Variants in SLCO3A1 observed in about 807,000 individuals in gnomAD.
SLCO3A1 encodes PGE1 transporter.
In SLCO3A1, 27 loss-of-function variants were observed where a neutral mutation model predicts 63.1. The ratio of observed to expected loss-of-function variants is 0.43; its 90% CI spans 0.32 to 0.59. The LOEUF is 0.59. Ranked by LOEUF, SLCO3A1 falls within the 20% of genes least tolerant of loss-of-function variation. SLCO3A1 has a pLI of 0.09. For missense variants in SLCO3A1, 773 were observed against 945.8 expected (o/e 0.82, Z 2.40); for synonymous variants, 473 against 409.9 (o/e 1.15, Z -1.86).
At chr15:92,123,070 G>A (rs968631101) in intron 5 of SLCO3A1, among the ~76,000 whole-genome samples, 1 of 152,158 alleles carries the variant, frequency 6.6e-6, no homozygotes, top group East Asian at 1.9e-4. Flanking sequence ...AGATGCAAAA[G>A]TTCATCAGGC....
intron 2 of SLCO3A1, among the ~76,000 whole-genome samples, chr15:92,065,902 A>G (rs2047145561): frequency 6.6e-6 from 1 of 152,238 alleles, no homozygotes; most frequent in African/African-American, 2.4e-5. Flanking sequence ...TTTAAAAGAA[A>G]AAAGGTTTCC....
chr15:92,064,544 A>G (rs1200486293), intron 2 of SLCO3A1, among the ~76,000 whole-genome samples: 2 of 152,304 alleles, frequency 1.3e-5, no homozygotes, highest in East Asian at 3.9e-4. Context: ...TGTCTTCCCC[A>G]GTGTTTTCTT....
intron 2 of SLCO3A1, among the ~76,000 whole-genome samples, chr15:92,024,000 C>T (rs888693409): frequency 6.6e-6 from 1 of 152,144 alleles, no homozygotes; most frequent in Non-Finnish European, 1.5e-5. Context: ...TCCAGTGAAT[C>T]TGTTGGGCCA....
At chr15:92,154,162 A>T (rs1389816277) in intron 9 of SLCO3A1, among the ~76,000 whole-genome samples, 2 of 152,090 alleles carry the variant, frequency 1.3e-5, no homozygotes, top group African/African-American at 4.8e-5. Flanking sequence ...CAGGATGGGG[A>T]GAGGGGTAGG....
chr15:91,958,417 C>G (rs570764849), intron 2 of SLCO3A1, among the ~76,000 whole-genome samples: 1 of 152,298 alleles, frequency 6.6e-6, no homozygotes, highest in South Asian at 2.1e-4. Flanking sequence ...AAGATGGGCA[C>G]TGGATTTGGG....
At position 91,862,523 on chromosome 15, in the gene SLCO3A1, T is replaced by C. The variant is rs1297256511; in HGVS notation, c.180+8435T>C. On this transcript the variant is annotated intron_variant, in intron 1 of 9. Transcript: ENST00000318445. The surrounding 1 kb of genome is among the most constrained non-coding windows in gnomAD (Gnocchi z 4.0). The stretch of plus-strand genomic sequence containing the variant: ...GGACTACCACATTTGTTCTGCCAGG[T>C]TGTCCTTTGGGACAACTTTTGGGTG... 2.0e-5 allele frequency among the ~76,000 whole-genome samples: 3 copies of C among 152,018 alleles called. No individual in the cohort carries two copies. Among genetic ancestry groups the C allele is most frequent in the Non-Finnish European group, 4.4e-5 (3 of 68,014 alleles).
chr15:91,957,716 T>C (rs951092508), intron 2 of SLCO3A1, among the ~76,000 whole-genome samples: 2 of 152,230 alleles, frequency 1.3e-5, no homozygotes, highest in Admixed American at 6.5e-5. Context: ...TTGTCATGCC[T>C]GTACTCTGTC....
At chr15:92,123,515 T>C (rs1196556988) in intron 5 of SLCO3A1, among the ~76,000 whole-genome samples, 1 of 152,168 alleles carries the variant, frequency 6.6e-6, no homozygotes, top group African/African-American at 2.4e-5. Flanking sequence ...CCACAAGTCT[T>C]ATGTTTTTCT....
intron 2 of SLCO3A1, among the ~76,000 whole-genome samples, chr15:92,057,391 A>G (rs777078890): frequency 4.6e-5 from 7 of 152,210 alleles, no homozygotes; most frequent in Admixed American, 2.6e-4. Flanking sequence ...TTTTTCCTGA[A>G]GATAATGGTT....
At chr15:91,881,498 G>A (rs1002042003) in intron 1 of SLCO3A1, among the ~76,000 whole-genome samples, 1 of 151,704 alleles carries the variant, frequency 6.6e-6, no homozygotes, top group Non-Finnish European at 1.5e-5. Context: ...TTTCTTTATC[G>A]TGCAGTTTAT....
chr15:92,047,516 TAC>T lies in SLCO3A1; in HGVS notation c.647-47363_647-47362del, dbSNP rs1567087731. Among the ~76,000 whole-genome samples, 116 of 32,050 alleles carry T rather than the reference TAC, an allele frequency of 3.6e-3. 23 individuals carry two copies. The highest frequency in any genetic ancestry group is 5.8e-3 in the African/African-American group (47 of 8,066). 21.0% of individuals were successfully genotyped at this position (32,050 alleles called of 152,430 possible). ...ATAAATATATATAAATATATATAAA[TAC>T]ATAAATAAATATATAAATATATATA... On this transcript the variant is annotated intron_variant, in intron 2 of 9. Coordinates refer to ENST00000318445, the MANE Select transcript of SLCO3A1 (RefSeq NM_013272.4).
At chr15:92,055,809 A>G (rs992838) in intron 2 of SLCO3A1, among the ~76,000 whole-genome samples, 119,357 of 152,176 alleles carry the variant, frequency 0.78, 46,962 homozygotes, top group Admixed American at 0.88. Context: ...GAGATTCACC[A>G]TCTATCAGTT....
chr15:92,004,671 G>C (rs1179420873), intron 2 of SLCO3A1, among the ~76,000 whole-genome samples: 1 of 152,228 alleles, frequency 6.6e-6, no homozygotes, highest in Non-Finnish European at 1.5e-5. Context: ...TTTGAGTTTG[G>C]CAGGGGATAG....
In SLCO3A1 at chr15:92,163,075, A is replaced by G; in HGVS notation, c.2073A>G (p.Thr691=). 6.4e-7 allele frequency: 1 copy of G among 1,554,088 alleles called. No homozygotes were observed. Among genetic ancestry groups the G allele is most frequent in the Non-Finnish European group, 8.7e-7 (1 of 1,152,374 alleles). ...DPVPANQTHR[T]KFIYNLEDHE... is the part of the protein sequence containing the mutation. ...TGCCCGCAAACCAGACACATAGGAC[A>G]AAGTTTATCTATAACCTGGAAGACC... The change falls in exon 10 of 10, where the codon ACA becomes ACG. Residue 691 remains threonine (T), a synonymous_variant. Coordinates refer to ENST00000318445, the MANE Select transcript of SLCO3A1 (RefSeq NM_013272.4).
intron 1 of SLCO3A1, among the ~76,000 whole-genome samples, chr15:91,877,824 AATCTG>A (rs1351355048): frequency 1.3e-5 from 2 of 152,178 alleles, no homozygotes; most frequent in African/African-American, 4.8e-5. Context: ...CCTACAAAAA[AATCTG>A]AGACCTGTAG....
At chr15:92,131,774 C>A (rs1412444704) in intron 7 of SLCO3A1, among the ~76,000 whole-genome samples, 1 of 145,924 alleles carries the variant, frequency 6.9e-6, no homozygotes, top group East Asian at 1.9e-4. Flanking sequence ...CCCTTCTAAG[C>A]TCTGTCTTAT....
chr15:91,874,252 T>A (rs775001950), intron 1 of SLCO3A1, among the ~76,000 whole-genome samples: 11 of 152,194 alleles, frequency 7.2e-5, no homozygotes, highest in Non-Finnish European at 7.3e-5. Context: ...ATTTTCTGAC[T>A]GTAGTTGACC....
chr15:92,165,306 G>A lies in SLCO3A1; in HGVS notation c.*2171G>A. On this transcript the variant is annotated 3_prime_UTR_variant, in exon 10 of 10. Coordinates refer to ENST00000318445, the MANE Select transcript of SLCO3A1 (RefSeq NM_013272.4). Reference sequence around the variant, plus strand: ...TACGTTAACTACTAAAGGGGAGATGGTTCTCCAACCACTTCATAAAATATG... The same window carrying A: ...TACGTTAACTACTAAAGGGGAGATGATTCTCCAACCACTTCATAAAATATG... 1.0e-6 allele frequency: 1 copy of A among 985,110 alleles called. No individual in the cohort carries two copies. The highest frequency in any genetic ancestry group is 1.2e-6 in the Non-Finnish European group (1 of 829,684). The allele number at this position is 985,110 out of a possible 1,614,324, so 61.0% of individuals were successfully genotyped here.
intron 2 of SLCO3A1, among the ~76,000 whole-genome samples, chr15:91,982,818 C>T (rs1027524302): frequency 1.1e-4 from 16 of 152,220 alleles, no homozygotes; most frequent in Non-Finnish European, 1.6e-4. Context: ...GGGAGCTGCA[C>T]GGGCTTGCCC....
Sources: allele counts gnomAD v4.1 joint callset (sites outside exome capture counted in the v4.1 genomes callset), GRCh38; gene constraint gnomAD v4.1.1; non-coding constraint Gnocchi (gnomAD v3.1); transcripts MANE v1.5; gene names NCBI Gene and HGNC (gene_info 2026-07-23, HGNC 2026-07-21).